Variants in P2RX5 observed in about 807,000 individuals in gnomAD.
P2RX5 encodes the protein P2X purinoceptor 5.
In P2RX5, 46 loss-of-function variants were observed where a neutral mutation model predicts 54.1. The ratio of observed to expected loss-of-function variants is 0.85; its 90% CI spans 0.67 to 1.09. The LOEUF is 1.09. P2RX5 is among the 50% of genes least tolerant of loss of function. The pLI, the probability that P2RX5 is intolerant of heterozygous loss-of-function variation, is 0.00. For missense variants in P2RX5, 566 were observed against 549.8 expected (o/e 1.03, Z -0.29); for synonymous variants, 226 against 226.4 (o/e 1.00, Z 0.02).
the P2RX5 span, among the ~76,000 whole-genome samples, chr17:3,710,371 G>C: frequency 6.7e-6 from 1 of 150,258 alleles, no homozygotes. Flanking sequence ...AGGTTGCAGT[G>C]AGCCGAGATC....
the P2RX5 span, among the ~76,000 whole-genome samples, chr17:3,706,390 T>G: frequency 6.6e-6 from 1 of 151,904 alleles, no homozygotes; most frequent in African/African-American, 2.4e-5. Context: ...CCACTGTGCC[T>G]GGCCCATAGA....
chr17:3,673,477 C>T lies in P2RX5; in HGVS notation c.*391G>A, dbSNP rs1337538157. The T allele has an allele frequency of 3.6e-5, 40 of 1,120,310 alleles. No individual in the cohort carries two copies. Among genetic ancestry groups the T allele is most frequent in the South Asian group, 1.7e-4 (7 of 40,552 alleles). The allele number at this position is 1,120,310 out of a possible 1,614,324, so 69.4% of individuals were successfully genotyped here. ...GCTGGAACCAAATGGAGCCCTTTTC[C>T]GGACACGCACAATGCTATTCCCAGT... On this transcript the variant is annotated 3_prime_UTR_variant, in exon 12 of 12. Transcript: ENST00000225328.
In P2RX5 at chr17:3,673,491, GC is replaced by G; in HGVS notation, c.*376del. 1.7e-6 allele frequency: 2 copies of G among 1,178,280 alleles called. No individual in the cohort carries two copies. The highest frequency in any genetic ancestry group is 2.1e-6 in the Non-Finnish European group (2 of 941,928). 73.0% of individuals were successfully genotyped at this position (1,178,280 alleles called of 1,614,324 possible). A position where few individuals can be genotyped will look rare whatever the true frequency, so the allele number is the denominator to read the frequency against. ...GAGCCCTTTTCCGGACACGCACAAT[GC>G]TATTCCCAGTGAGGTAATCTAGGAA... On this transcript the variant is annotated 3_prime_UTR_variant, in exon 12 of 12. Coordinates refer to ENST00000225328, the MANE Select transcript of P2RX5 (RefSeq NM_002561.4).
intron 1 of P2RX5, among the ~76,000 whole-genome samples, chr17:3,695,119 G>A (rs574749160): frequency 1.3e-5 from 2 of 152,342 alleles, no homozygotes; most frequent in Admixed American, 6.5e-5. Context: ...CGAGTGGAAT[G>A]AGGCGCATCC....
the P2RX5 span, among the ~76,000 whole-genome samples, chr17:3,711,387 TTTTTTTTTTTTTTG>T: frequency 7.9e-6 from 1 of 126,856 alleles, no homozygotes. Context: ...TTTTTTTTTT[TTTTTTTTTTTTTTG>T]AGACGGAGTC....
intron 5 of P2RX5, 46 bp downstream of exon 5, chr17:3,690,381 A>C: frequency 6.9e-7 from 1 of 1,452,564 alleles, no homozygotes; most frequent in Non-Finnish European, 9.5e-7. Context: ...GACCCACCGC[A>C]CGGGGCTGGG....
the P2RX5 span, among the ~76,000 whole-genome samples, chr17:3,715,533 A>G: frequency 6.6e-6 from 1 of 152,172 alleles, no homozygotes; most frequent in Non-Finnish European, 1.5e-5. Context: ...CAGAGGCACG[A>G]ACCTATTTAG....
intron 7 of P2RX5, among the ~76,000 whole-genome samples, 174 bp downstream of exon 7, chr17:3,689,318 C>T (rs2050535782): frequency 6.6e-6 from 1 of 150,506 alleles, no homozygotes; most frequent in South Asian, 2.1e-4. Flanking sequence ...TCGCCCGCTG[C>T]CACGGCCTGC....
intron 11 of P2RX5, chr17:3,675,781 G>C: frequency 1.2e-6 from 1 of 849,958 alleles, no homozygotes; most frequent in South Asian, 5.4e-5. Context: ...TCGAACTCCT[G>C]ACCTCGTGAT....
At chr17:3,683,195 G>T (rs946764804) in intron 9 of P2RX5, among the ~76,000 whole-genome samples, 2 of 152,150 alleles carry the variant, frequency 1.3e-5, no homozygotes, top group Non-Finnish European at 2.9e-5. Flanking sequence ...CAGGGTTGGG[G>T]CCTGAATGAT....
chr17:3,676,352 C>T (rs559951253), intron 11 of P2RX5: 14 of 985,322 alleles, frequency 1.4e-5, no homozygotes, highest in Middle Eastern at 5.2e-4. Flanking sequence ...AGAAACCACA[C>T]GAGTTTTCGG....
At chr17:3,680,329 ATCCTCCACCCTG>A (rs2050224361) in intron 10 of P2RX5, among the ~76,000 whole-genome samples, 1 of 36,184 alleles carries the variant, frequency 2.8e-5, no homozygotes, top group Non-Finnish European at 5.3e-5. Context: ...TCCACCCTGC[ATCCTCCACCCTG>A]CGTCCTCCAC....
chr17:3,723,516 C>G, the P2RX5 span: 1 of 991,396 alleles, frequency 1.0e-6, no homozygotes, highest in Non-Finnish European at 1.6e-6. Flanking sequence ...TCACCTCGGC[C>G]CAAGCGAAGC....
Position 3,688,663 on chromosome 17 carries a change from T to G in P2RX5, c.850A>C (p.Lys284Gln), listed in dbSNP as rs1157648508. Residue 284 changes from lysine to glutamine, a missense_variant, in exon 8 of 12, where the codon AAA becomes CAA. Transcript: ENST00000225328. ...PHYSFSRLDN[K>Q]LSKSVSSGYN... ...CCGGAGGAGACAGACTTTGAAAGTT[T>G]ATTGTCCAGACGGCTAAAAGAATAG... is the stretch of plus-strand genomic sequence containing the variant. 2 of 1,613,978 alleles carry G rather than the reference T, an allele frequency of 1.2e-6. No homozygotes were observed. The highest frequency in any genetic ancestry group is 2.2e-5 in the East Asian group (1 of 44,902).
At chr17:3,719,555 T>C in the P2RX5 span, among the ~76,000 whole-genome samples, 1 of 152,200 alleles carries the variant, frequency 6.6e-6, no homozygotes, top group Admixed American at 6.5e-5. Context: ...GTCTGACTTC[T>C]AGTCATACTT....
chr17:3,699,066 C>A (rs2050798182), upstream of P2RX5, among the ~76,000 whole-genome samples: 1 of 87,708 alleles, frequency 1.1e-5, no homozygotes, highest in Admixed American at 1.6e-4. Context: ...CACACACACA[C>A]ACACACACAC....
intron 5 of P2RX5, 134 bp from the exon 6 acceptor site, chr17:3,690,284 G>T (rs1446543982): frequency 8.6e-7 from 1 of 1,156,538 alleles, no homozygotes; most frequent in Non-Finnish European, 1.3e-6. Flanking sequence ...GCTCATGCTG[G>T]GGAGGCCGTC....
chr17:3,675,278 A>T (rs2142994223), intron 11 of P2RX5: 1 of 805,202 alleles, frequency 1.2e-6, no homozygotes, highest in South Asian at 5.6e-5. Context: ...GAACTCAGGC[A>T]ATCTGCCCGC....
intron 9 of P2RX5, among the ~76,000 whole-genome samples, chr17:3,683,665 G>C (rs2050349807): frequency 6.6e-6 from 1 of 151,864 alleles, no homozygotes; most frequent in African/African-American, 2.4e-5. Context: ...GGGAGGCAGA[G>C]GCTGCAGTGA....
Sources: allele counts gnomAD v4.1 joint callset (sites outside exome capture counted in the v4.1 genomes callset), GRCh38; gene constraint gnomAD v4.1.1; transcripts MANE v1.5; gene names NCBI Gene and HGNC (gene_info 2026-07-23, HGNC 2026-07-21).